SH3BP5: variants seen among roughly 807,000 people sequenced by gnomAD.
The protein encoded by SH3BP5 is SH3 domain-binding protein 5.
SH3BP5 carries 22 observed loss-of-function variants against 43.3 expected under a neutral mutation model. The ratio of observed to expected loss-of-function variants is 0.51; its 90% confidence interval spans 0.36 to 0.73. The LOEUF is 0.73. Among genes scored for constraint, SH3BP5 ranks in the 30% least tolerant of loss-of-function variants. SH3BP5 has a pLI of 0.00. For synonymous variants in SH3BP5, 255 were observed against 225.8 expected, an observed-to-expected ratio of 1.13 and a Z score of -1.16; for missense variants, 529 against 586.9, an observed-to-expected ratio of 0.90 and a Z score of 1.02.
intron 3 of SH3BP5, chr3:15,273,087 A>G (rs1407007703): frequency 1.0e-6 from 1 of 978,650 alleles, no homozygotes; most frequent in East Asian, 1.1e-4. Flanking sequence ...AAGCCACTCC[A>G]CCCCCTACCC....
chr3:15,334,769 G>T (rs1313708797), upstream of SH3BP5, among the ~76,000 whole-genome samples: 1 of 151,274 alleles, frequency 6.6e-6, no homozygotes, highest in Non-Finnish European at 1.5e-5. Context: ...TGGACAACAT[G>T]GTGAAACACC....
At chr3:15,264,800 G>A (rs574516264) in intron 4 of SH3BP5, among the ~76,000 whole-genome samples, 1 of 152,050 alleles carries the variant, frequency 6.6e-6, no homozygotes, top group Non-Finnish European at 1.5e-5. Flanking sequence ...AAGCTTTAAG[G>A]ATTTACTGGT....
chr3:15,260,322 G>C (rs1199752166), intron 5 of SH3BP5: 1 of 162,330 alleles, frequency 6.2e-6, no homozygotes, highest in Non-Finnish European at 1.4e-5. Flanking sequence ...GTCTCAGGTT[G>C]GTCCTCCCAA....
intron 3 of SH3BP5, among the ~76,000 whole-genome samples, chr3:15,281,882 T>A (rs1386288933): frequency 1.3e-5 from 2 of 152,114 alleles, no homozygotes; most frequent in African/African-American, 2.4e-5. Flanking sequence ...TGCATGCCTA[T>A]AATCCCAGCT....
At chr3:15,326,347 C>A (rs915915579) in intron 2 of SH3BP5, among the ~76,000 whole-genome samples, 5 of 152,170 alleles carry the variant, frequency 3.3e-5, no homozygotes, top group African/African-American at 7.2e-5. Context: ...AGGAGCAACA[C>A]CTCAGTCTCC....
At chr3:15,330,458 G>A in intron 2 of SH3BP5, 46 bp downstream of exon 2, 1 of 1,493,064 alleles carries the variant, frequency 6.7e-7, no homozygotes, top group Non-Finnish European at 9.3e-7. Context: ...TTGTGCCGGT[G>A]TGAGTGACAT....
At chr3:15,310,915 C>G (rs183220379) in intron 2 of SH3BP5, among the ~76,000 whole-genome samples, 132 of 152,280 alleles carry the variant, frequency 8.7e-4, no homozygotes, top group African/African-American at 2.9e-3. Flanking sequence ...CAGCCAGCAC[C>G]AGTATACAGT....
intron 3 of SH3BP5, among the ~76,000 whole-genome samples, chr3:15,293,462 C>T (rs556245705): frequency 6.6e-6 from 1 of 152,330 alleles, no homozygotes; most frequent in Admixed American, 6.5e-5. Flanking sequence ...GGGGAAAGTT[C>T]CCAAGGACTC....
At chr3:15,293,450 G>A (rs1341853770) in intron 3 of SH3BP5, among the ~76,000 whole-genome samples, 2 of 152,248 alleles carry the variant, frequency 1.3e-5, no homozygotes, top group African/African-American at 2.4e-5. Context: ...AGGGCACCAT[G>A]AGGGGAAAGT....
At chr3:15,287,786 C>CA (rs1697306107) in intron 3 of SH3BP5, among the ~76,000 whole-genome samples, 1 of 152,106 alleles carries the variant, frequency 6.6e-6, no homozygotes. Flanking sequence ...ACGTACCCTG[C>CA]AATTGTGAGT....
chr3:15,330,885 A>G, intron 1 of SH3BP5: 1 of 266,986 alleles, frequency 3.7e-6, no homozygotes, highest in Non-Finnish European at 5.8e-6. Context: ...CCTAATCAAA[A>G]CAGTACCATC....
chr3:15,295,209 T>C (rs1697534934), intron 3 of SH3BP5, among the ~76,000 whole-genome samples: 1 of 152,204 alleles, frequency 6.6e-6, no homozygotes, highest in African/African-American at 2.4e-5. Flanking sequence ...ATACAGTCAG[T>C]CCTCATTATT....
chr3:15,275,270 A>G (rs1575298413), intron 3 of SH3BP5, among the ~76,000 whole-genome samples: 2 of 152,266 alleles, frequency 1.3e-5, no homozygotes, highest in Admixed American at 1.3e-4. Context: ...CTAACTGAGG[A>G]AAGTTTAACT....
chr3:15,325,444 C>A (rs1164236219), intron 2 of SH3BP5, among the ~76,000 whole-genome samples: 1 of 152,328 alleles, frequency 6.6e-6, no homozygotes, highest in African/African-American at 2.4e-5. Context: ...GTTCTTCCCC[C>A]ACATGGCCTG....
chr3:15,275,817 T>G (rs1238731989), intron 3 of SH3BP5: 1 of 151,968 alleles, frequency 6.6e-6, no homozygotes, highest in African/African-American at 2.4e-5. Flanking sequence ...GGCCAGGAGT[T>G]CAAGACCAGC....
chr3:15,271,042 AAAT>A (rs1407042368), intron 3 of SH3BP5, among the ~76,000 whole-genome samples: 14 of 151,678 alleles, frequency 9.2e-5, no homozygotes, highest in South Asian at 4.1e-4. Flanking sequence ...TTATATGATG[AAAT>A]AATATTTTGG....
At position 15,303,202 on chromosome 3, in the gene SH3BP5, T is replaced by C. The variant is rs141615921; in HGVS notation, c.330+901A>G. On this transcript the variant is annotated intron_variant, in intron 3 of 8. Transcript: ENST00000383791. ...ACACCACAGGGACAGCACTGGGTCA[T>C]TTGCTAGTGAACTACAATTTGGACC... is the stretch of plus-strand genomic sequence containing the variant. Among the ~76,000 whole-genome samples the C allele has an allele frequency of 1.5e-4, 23 of 152,348 alleles. 1 individual carries two copies. The East Asian group carries it at 4.4e-3, about 29-fold the overall frequency.
intron 2 of SH3BP5, among the ~76,000 whole-genome samples, chr3:15,308,380 C>G (rs1237081575): frequency 1.3e-5 from 2 of 152,106 alleles, no homozygotes; most frequent in Non-Finnish European, 1.5e-5. Flanking sequence ...GAAATAGAGG[C>G]AAGGAAAAGA....
intron 3 of SH3BP5, among the ~76,000 whole-genome samples, chr3:15,294,328 T>C (rs139849285): frequency 0.071 from 9,100 of 128,918 alleles, 346 homozygotes; most frequent in Admixed American, 0.12. Flanking sequence ...TGTGTGTGTG[T>C]GTGCGCGCGC....
Sources: allele counts gnomAD v4.1 joint callset (sites outside exome capture counted in the v4.1 genomes callset), GRCh38; gene constraint gnomAD v4.1.1; transcripts MANE v1.5; gene names NCBI Gene and HGNC (gene_info 2026-07-23, HGNC 2026-07-21).